The following GRIA1 variants were observed in gnomAD, a reference collection of about 807,000 sequenced individuals.
GRIA1 encodes the protein glutamate receptor 1.
In GRIA1, 31 loss-of-function variants were observed where a neutral mutation model predicts 99.2. The observed-to-expected ratio is 0.31, with a 90% CI of 0.23 to 0.42. GRIA1 has a LOEUF of 0.42. Ranked by LOEUF, GRIA1 falls within the 10% of genes least tolerant of loss-of-function variation. GRIA1 has a pLI of 1.00. For synonymous variants in GRIA1, 438 were observed against 432.4 expected, an observed-to-expected ratio of 1.01 and a Z score of -0.16; for missense variants, 782 against 1,157.5, an observed-to-expected ratio of 0.68 and a Z score of 4.71.
chr5:153,517,718 AT>A (rs918534991), intron 2 of GRIA1, among the ~76,000 whole-genome samples: 1 of 152,156 alleles, frequency 6.6e-6, no homozygotes, highest in Non-Finnish European at 1.5e-5. Context: ...TTCAAAAAAA[AT>A]CTCTACCATA....
intron 13 of GRIA1, among the ~76,000 whole-genome samples, chr5:153,773,675 A>G (rs1764030127): frequency 6.6e-6 from 1 of 152,236 alleles, no homozygotes; most frequent in Admixed American, 6.5e-5. Context: ...ATTGATTTCA[A>G]AAAAGAGAGC....
chr5:153,740,448 T>C (rs1761700025), intron 11 of GRIA1, among the ~76,000 whole-genome samples: 2 of 152,186 alleles, frequency 1.3e-5, no homozygotes, highest in Non-Finnish European at 1.5e-5. Context: ...TAGCCTTTCA[T>C]AGTCACAGCA....
intron 2 of GRIA1, among the ~76,000 whole-genome samples, chr5:153,552,165 G>A (rs1760207661): frequency 6.6e-6 from 1 of 151,566 alleles, no homozygotes; most frequent in South Asian, 2.1e-4. Context: ...GAGGAAGAGA[G>A]AAGAAAATTG....
intron 6 of GRIA1, 104 bp downstream of exon 6, chr5:153,674,765 C>A (rs560499885): frequency 2.5e-6 from 3 of 1,220,854 alleles, no homozygotes; most frequent in Non-Finnish European, 3.4e-6. Flanking sequence ...TTTTCTAAAG[C>A]GAACAAATTC....
intron 2 of GRIA1, among the ~76,000 whole-genome samples, chr5:153,544,786 T>C (rs938126412): frequency 1.3e-5 from 2 of 151,988 alleles, no homozygotes; most frequent in African/African-American, 4.8e-5. Flanking sequence ...GAAAATGACG[T>C]TGGTGATAGT....
chr5:153,774,020 A>G (rs1764051139), intron 13 of GRIA1, among the ~76,000 whole-genome samples: 1 of 151,966 alleles, frequency 6.6e-6, no homozygotes, highest in Admixed American at 6.6e-5. Context: ...ACCATTAAAG[A>G]ATGGTTGCAG....
chr5:153,745,589 C>CAAAAAAAAAA (rs58166158), intron 11 of GRIA1, among the ~76,000 whole-genome samples: 5 of 100,882 alleles, frequency 5.0e-5, no homozygotes, highest in Admixed American at 1.1e-4. Flanking sequence ...AACTCTGTCT[C>CAAAAAAAAAA]AAAAAAAAAA....
chr5:153,548,759 C>A (rs1222713112), intron 2 of GRIA1, among the ~76,000 whole-genome samples: 6 of 152,082 alleles, frequency 3.9e-5, no homozygotes, highest in Non-Finnish European at 5.9e-5. Context: ...TCTGAGATAA[C>A]CCTCTTATTA....
At chr5:153,788,950 T>C (rs1359651584) in intron 13 of GRIA1, among the ~76,000 whole-genome samples, 1 of 152,226 alleles carries the variant, frequency 6.6e-6, no homozygotes, top group Non-Finnish European at 1.5e-5. Context: ...CCTTTGGCTC[T>C]ATTGTCATTT....
chr5:153,492,000 C>G (rs947345271), intron 1 of GRIA1, among the ~76,000 whole-genome samples: 5 of 152,196 alleles, frequency 3.3e-5, no homozygotes, highest in Admixed American at 6.5e-5. Flanking sequence ...GTGTGACCAG[C>G]ATGTCAGTGT....
At chr5:153,543,145 A>T (rs904599844) in intron 2 of GRIA1, among the ~76,000 whole-genome samples, 1 of 152,144 alleles carries the variant, frequency 6.6e-6, no homozygotes, top group Non-Finnish European at 1.5e-5. Flanking sequence ...GGTGATGGTG[A>T]TGGAGATGTG....
chr5:153,681,639 G>C (rs1270354536), intron 7 of GRIA1, among the ~76,000 whole-genome samples: 2 of 152,154 alleles, frequency 1.3e-5, no homozygotes, highest in African/African-American at 4.8e-5. Flanking sequence ...CTAATTGCTT[G>C]CCTTTTCCAG....
chr5:153,514,169 A>G (rs1319552775), intron 2 of GRIA1, among the ~76,000 whole-genome samples: 2 of 152,192 alleles, frequency 1.3e-5, no homozygotes, highest in Admixed American at 6.5e-5. Context: ...TTCTGCAACC[A>G]TTATTGCCCA....
At chr5:153,501,210 A>G (rs1342597340) in intron 2 of GRIA1, among the ~76,000 whole-genome samples, 2 of 152,228 alleles carry the variant, frequency 1.3e-5, no homozygotes, top group Non-Finnish European at 2.9e-5. Context: ...ACAAATATTT[A>G]TGGAGTGCTT....
chr5:153,603,335 G>A (rs1398940900), intron 2 of GRIA1, among the ~76,000 whole-genome samples: 1 of 151,902 alleles, frequency 6.6e-6, no homozygotes, highest in Non-Finnish European at 1.5e-5. Flanking sequence ...TTGGACATTT[G>A]GGTTGGTTCC....
chr5:153,528,701 A>G (rs563494842), intron 2 of GRIA1, among the ~76,000 whole-genome samples: 2 of 152,094 alleles, frequency 1.3e-5, no homozygotes, highest in Non-Finnish European at 2.9e-5. Flanking sequence ...TTTTCCCACA[A>G]TTTTCCAAAA....
intron 14 of GRIA1, among the ~76,000 whole-genome samples, chr5:153,799,383 C>G (rs1272989077): frequency 6.6e-6 from 1 of 152,194 alleles, no homozygotes; most frequent in Non-Finnish European, 1.5e-5. Context: ...CAAAGAGAGT[C>G]AGTAAAGGCA....
At chr5:153,756,446 A>G (rs982713362) in intron 11 of GRIA1, among the ~76,000 whole-genome samples, 3 of 152,220 alleles carry the variant, frequency 2.0e-5, no homozygotes, top group Non-Finnish European at 4.4e-5. Flanking sequence ...GCCATACAGG[A>G]AACTGCTGGG....
chr5:153,607,768 A>G (rs959603604), intron 2 of GRIA1, among the ~76,000 whole-genome samples: 2 of 152,014 alleles, frequency 1.3e-5, no homozygotes, highest in African/African-American at 2.4e-5. Context: ...CATAATTTTT[A>G]TATTTTTACA....
Sources: gnomAD v4.1 joint callset for allele counts (sites outside exome capture counted in the v4.1 genomes callset) on GRCh38, gnomAD v4.1.1 for gene constraint, MANE v1.5 for transcripts, NCBI Gene and HGNC (gene_info 2026-07-23, HGNC 2026-07-21) for gene names.